The following GMDS variants were observed in gnomAD, a reference collection of about 807,000 sequenced individuals.
GMDS encodes the protein GDP-mannose 4,6-dehydratase, also known as GDP-mannose 4,6 dehydratase.
In GMDS, 20 loss-of-function variants were observed where a neutral mutation model predicts 49.9. The observed-to-expected ratio is 0.40, with a 90% CI of 0.28 to 0.58. The LOEUF is 0.58. GMDS is among the 20% of genes least tolerant of loss of function. GMDS has a pLI of 0.42. For missense variants in GMDS, 362 were observed against 481.4 expected (o/e 0.75, Z 2.32); for synonymous variants, 177 against 178.6 (o/e 0.99, Z 0.07).
chr6:2,001,674 C>T (rs1766825080), intron 4 of GMDS, among the ~76,000 whole-genome samples: 1 of 152,120 alleles, frequency 6.6e-6, no homozygotes, highest in African/African-American at 2.4e-5. Context: ...AAGTGCTGTA[C>T]TGGCATAAGA....
chr6:2,119,380 C>A (rs1375652168), intron 2 of GMDS, among the ~76,000 whole-genome samples: 2 of 152,078 alleles, frequency 1.3e-5, no homozygotes, highest in African/African-American at 4.8e-5. Flanking sequence ...GCATTAAGCA[C>A]TGGTTGCTTT....
chr6:1,698,976 A>G lies in GMDS; in HGVS notation c.987+27440T>C, dbSNP rs561692794. Among the ~76,000 whole-genome samples, 5 of 152,112 alleles carry G rather than the reference A, an allele frequency of 3.3e-5. No homozygotes were observed. The South Asian group carries it at 8.3e-4, about 25-fold the overall frequency. ...AGTCATGGGGTGGTCAAAACTCCCA[A>G]TCTCCATTTTCATGCAAAGCTGAAT... On this transcript the variant is annotated intron_variant, in intron 9 of 10. Transcript: ENST00000380815.
intron 7 of GMDS, among the ~76,000 whole-genome samples, chr6:1,924,361 C>T (rs1363854055): frequency 6.6e-6 from 1 of 152,204 alleles, no homozygotes; most frequent in Non-Finnish European, 1.5e-5. Flanking sequence ...TAGGACCCTT[C>T]TGGAGCATCT....
intron 4 of GMDS, among the ~76,000 whole-genome samples, chr6:2,027,732 C>T (rs1768687564): frequency 6.6e-6 from 1 of 152,054 alleles, no homozygotes; most frequent in Admixed American, 6.5e-5. Context: ...AGCAAGAAGC[C>T]ATAAATTTAC....
intron 1 of GMDS, among the ~76,000 whole-genome samples, chr6:2,213,037 A>G (rs1780145988): frequency 6.6e-6 from 1 of 152,162 alleles, no homozygotes; most frequent in Non-Finnish European, 1.5e-5. Flanking sequence ...GGGAAATCAA[A>G]ATTAGCCCCC....
At chr6:1,827,290 C>A (rs1233975418) in intron 7 of GMDS, among the ~76,000 whole-genome samples, 1 of 151,754 alleles carries the variant, frequency 6.6e-6, no homozygotes, top group African/African-American at 2.4e-5. Context: ...CATGTATATA[C>A]ACACATGTTT....
At chr6:1,898,175 T>C (rs1044598716) in intron 7 of GMDS, among the ~76,000 whole-genome samples, 1 of 151,482 alleles carries the variant, frequency 6.6e-6, no homozygotes, top group Admixed American at 6.6e-5. Flanking sequence ...CTGGCCTCCC[T>C]TACCCTCTTC....
At chr6:2,061,668 G>A (rs632710) in intron 4 of GMDS, among the ~76,000 whole-genome samples, 63 of 140,396 alleles carry the variant, frequency 4.5e-4, no homozygotes, top group African/African-American at 1.6e-3. Flanking sequence ...GCAGTGAGCC[G>A]AGATTGTGTC....
intron 9 of GMDS, among the ~76,000 whole-genome samples, chr6:1,631,146 A>G (rs1381670405): frequency 6.6e-6 from 1 of 152,202 alleles, no homozygotes; most frequent in African/African-American, 2.4e-5. Context: ...CCTGGATACA[A>G]GAGGAAGGCC....
intron 7 of GMDS, among the ~76,000 whole-genome samples, chr6:1,922,799 G>T (rs1484449926): frequency 3.9e-5 from 6 of 152,172 alleles, no homozygotes; most frequent in Non-Finnish European, 2.9e-5. Flanking sequence ...TCTACAGCTA[G>T]CTCCCGTCTC....
At chr6:1,781,344 G>A (rs557011569) in intron 7 of GMDS, among the ~76,000 whole-genome samples, 2 of 152,304 alleles carry the variant, frequency 1.3e-5, no homozygotes, top group East Asian at 3.9e-4. Flanking sequence ...TGCCCAGTGT[G>A]CAGATTGCTG....
intron 4 of GMDS, among the ~76,000 whole-genome samples, chr6:2,115,034 G>T (rs190306507): frequency 1.9e-3 from 291 of 152,140 alleles, no homozygotes; most frequent in Non-Finnish European, 3.5e-3. Context: ...AGAGTTACTT[G>T]CTTTTATTTC....
At chr6:1,980,664 A>G (rs1765172824) in intron 4 of GMDS, among the ~76,000 whole-genome samples, 1 of 152,186 alleles carries the variant, frequency 6.6e-6, no homozygotes, top group African/African-American at 2.4e-5. Flanking sequence ...ATTAACCAAG[A>G]TATTTTGGAC....
chr6:2,233,411 GT>G (rs34269526), intron 1 of GMDS, among the ~76,000 whole-genome samples: 28,224 of 152,202 alleles, frequency 0.19, 2,791 homozygotes, highest in South Asian at 0.28. Context: ...GGGCCAGAGA[GT>G]AAACATTTCA....
intron 1 of GMDS, chr6:2,176,103 T>A: frequency 1.2e-6 from 1 of 823,160 alleles, no homozygotes; most frequent in Non-Finnish European, 1.9e-6. Flanking sequence ...AATTCTGGTG[T>A]CCAGCCCCCC....
At chr6:1,852,464 C>G (rs144235380) in intron 7 of GMDS, among the ~76,000 whole-genome samples, 1 of 152,324 alleles carries the variant, frequency 6.6e-6, no homozygotes, top group Non-Finnish European at 1.5e-5. Flanking sequence ...ATTGTAGGCA[C>G]AGTGATACAT....
At chr6:2,180,519 T>A (rs914843785) in intron 1 of GMDS, among the ~76,000 whole-genome samples, 4 of 152,216 alleles carry the variant, frequency 2.6e-5, no homozygotes, top group Non-Finnish European at 4.4e-5. Flanking sequence ...AATTTTTCCC[T>A]TTTTCCTCTC....
At chr6:1,959,010 A>G (rs1023345627) in intron 6 of GMDS, among the ~76,000 whole-genome samples, 1 of 152,208 alleles carries the variant, frequency 6.6e-6, no homozygotes, top group African/African-American at 2.4e-5. Context: ...ACAACTCTGA[A>G]AAGGCAACAA....
intron 4 of GMDS, among the ~76,000 whole-genome samples, chr6:2,065,124 T>G (rs549042192): frequency 6.6e-6 from 1 of 152,178 alleles, no homozygotes; most frequent in African/African-American, 2.4e-5. Flanking sequence ...CCCTGACCCC[T>G]GAGCAGCCTA....
Sources: allele counts gnomAD v4.1 joint callset (sites outside exome capture counted in the v4.1 genomes callset), GRCh38; gene constraint gnomAD v4.1.1; transcripts MANE v1.5; gene names NCBI Gene and HGNC (gene_info 2026-07-23, HGNC 2026-07-21).